PLEKHD1: variants seen among roughly 807,000 people sequenced by gnomAD.
PLEKHD1 encodes pleckstrin homology domain-containing family D member 1.
A neutral mutation model predicts 69.2 loss-of-function variants in PLEKHD1; 51 were observed. That is an observed-to-expected ratio of 0.74 (90% CI 0.59 to 0.93). The LOEUF (loss-of-function observed/expected upper bound fraction) is 0.93. PLEKHD1 is among the 40% of genes least tolerant of loss of function. PLEKHD1 has a pLI of 0.00. For missense variants in PLEKHD1, 584 were observed against 641.0 expected (o/e 0.91, Z 0.96); for synonymous variants, 236 against 244.7 (o/e 0.96, Z 0.33).
chr14:69,489,788 G>A (rs1046914269), intron 1 of PLEKHD1, among the ~76,000 whole-genome samples: 2 of 152,066 alleles, frequency 1.3e-5, no homozygotes, highest in Non-Finnish European at 2.9e-5. Flanking sequence ...CAAGGGAATG[G>A]GGAACAGGGG....
At chr14:69,500,849 G>A (rs1417926917) in intron 3 of PLEKHD1, 22 bp from the exon 4 acceptor site, 23 of 1,551,198 alleles carry the variant, frequency 1.5e-5, no homozygotes, top group Middle Eastern at 1.7e-4. Context: ...TCAGGCATGC[G>A]CATGGCTCCT....
chr14:69,500,011 T>TG, intron 1 of PLEKHD1, 104 bp from the exon 2 acceptor site: 1 of 735,358 alleles, frequency 1.4e-6, no homozygotes, highest in South Asian at 1.8e-5. Context: ...GGTGTCCCTG[T>TG]GGGCTCCCAT....
chr14:69,522,211 T>G, intron 6 of PLEKHD1, 72 bp from the exon 7 acceptor site: 3 of 1,387,148 alleles, frequency 2.2e-6, no homozygotes, highest in Non-Finnish European at 3.0e-6. Context: ...TCCCTTGGGA[T>G]AGAGTGGGGG....
intron 6 of PLEKHD1, among the ~76,000 whole-genome samples, chr14:69,506,966 G>A (rs370063829): frequency 2.1e-5 from 3 of 143,268 alleles, no homozygotes; most frequent in Non-Finnish European, 4.5e-5. Context: ...GCAGTGGCGC[G>A]ATCTCGGCTC....
At chr14:69,501,940 G>A in intron 5 of PLEKHD1, 115 bp downstream of exon 5, 1 of 944,620 alleles carries the variant, frequency 1.1e-6, no homozygotes, top group Non-Finnish European at 1.6e-6. Context: ...GGGCTATGAG[G>A]GAACAGAGAC....
chr14:69,476,923 G>A, the PLEKHD1 span, among the ~76,000 whole-genome samples: 2 of 152,212 alleles, frequency 1.3e-5, no homozygotes, highest in East Asian at 1.9e-4. Context: ...CAATCATGGC[G>A]GAAGGTGAAA....
At chr14:69,476,523 C>A in the PLEKHD1 span, among the ~76,000 whole-genome samples, 1 of 152,022 alleles carries the variant, frequency 6.6e-6, no homozygotes, top group African/African-American at 2.4e-5. Context: ...ATGATGGCAT[C>A]ACTGCACTCT....
chr14:69,512,962 T>C (rs1883302689), intron 6 of PLEKHD1, among the ~76,000 whole-genome samples: 2 of 151,638 alleles, frequency 1.3e-5, no homozygotes, highest in African/African-American at 4.8e-5. Context: ...TAGTGGCATA[T>C]GCCTGTAGTC....
At chr14:69,478,995 T>C in the PLEKHD1 span, among the ~76,000 whole-genome samples, 1 of 152,178 alleles carries the variant, frequency 6.6e-6, no homozygotes, top group Non-Finnish European at 1.5e-5. Context: ...TTTACGTCGC[T>C]GATAAAGACA....
chr14:69,528,491 C>A lies in PLEKHD1; in HGVS notation c.*72C>A, dbSNP rs1883716376. The A allele has an allele frequency of 1.3e-6, 2 of 1,488,720 alleles. No homozygotes were observed. Among genetic ancestry groups the A allele is most frequent in the South Asian group, 1.3e-5 (1 of 76,796 alleles). 92.2% of individuals were successfully genotyped at this position (1,488,720 alleles called of 1,614,324 possible). A position where few individuals can be genotyped will look rare whatever the true frequency, so the allele number is the denominator to read the frequency against. On this transcript the variant is annotated 3_prime_UTR_variant, in exon 13 of 13. Coordinates refer to ENST00000322564, the MANE Select transcript of PLEKHD1 (RefSeq NM_001161498.2). ...GAGGGGAAGGGGTGGCAGAGGGAGGCCTCACTCTACCAGCTCCTGGCCTCT... is the reference window on the plus strand; with the variant it reads ...GAGGGGAAGGGGTGGCAGAGGGAGGACTCACTCTACCAGCTCCTGGCCTCT...
intron 7 of PLEKHD1, among the ~76,000 whole-genome samples, chr14:69,523,347 T>TATCATC (rs1883564778): frequency 6.6e-6 from 1 of 152,178 alleles, no homozygotes; most frequent in Non-Finnish European, 1.5e-5. Flanking sequence ...TCCTCATCAT[T>TATCATC]ATCATCACCA....
chr14:69,524,622 G>A (rs61982440), intron 8 of PLEKHD1, among the ~76,000 whole-genome samples: 17,594 of 152,160 alleles, frequency 0.12, 1,165 homozygotes, highest in Non-Finnish European at 0.14. Context: ...CCAGATAGAG[G>A]ATTGGTTAAG....
chr14:69,481,535 G>T (rs1186163153), upstream of PLEKHD1, among the ~76,000 whole-genome samples: 1 of 152,196 alleles, frequency 6.6e-6, no homozygotes, highest in African/African-American at 2.4e-5. Flanking sequence ...TGTGCTGCAA[G>T]GTGAAGGGGA....
chr14:69,493,058 C>T (rs1228555595), intron 1 of PLEKHD1, among the ~76,000 whole-genome samples: 1 of 152,234 alleles, frequency 6.6e-6, no homozygotes, highest in Non-Finnish European at 1.5e-5. Flanking sequence ...TGAGCCACCA[C>T]ACCCGGCCAA....
chr14:69,528,513 C>A lies in PLEKHD1; in HGVS notation c.*94C>A, dbSNP rs1196517281. ...AGGCCTCACTCTACCAGCTCCTGGC[C>A]TCTCTGGTCTGGAGCCTATGTCTCC... is the stretch of plus-strand genomic sequence containing the variant. On this transcript the variant is annotated 3_prime_UTR_variant, in exon 13 of 13. Transcript: ENST00000322564. 7.0e-6 allele frequency: 10 copies of A among 1,434,016 alleles called. No individual in the cohort carries two copies. In the Admixed American group the frequency reaches 1.8e-4, roughly 26 times the overall value. 88.8% of individuals were successfully genotyped at this position (1,434,016 alleles called of 1,614,324 possible).
chr14:69,502,678 T>C (rs1883056340), intron 5 of PLEKHD1, 149 bp from the exon 6 acceptor site: 5 of 893,662 alleles, frequency 5.6e-6, no homozygotes, highest in Non-Finnish European at 8.6e-6. Context: ...CACCAGGAGC[T>C]GGCCCACCCT....
At position 69,527,220 on chromosome 14, in the gene PLEKHD1, G is replaced by C. The variant is rs1439733606; in HGVS notation, c.1089G>C (p.Arg363Ser). Residue 363 changes from arginine to serine, a missense_variant, in exon 11 of 13, where the codon AGG (arginine) becomes AGC (serine). Physicochemically the swap from Arg to Ser is moderately radical, Grantham distance 110. Coordinates refer to ENST00000322564, the MANE Select transcript of PLEKHD1 (RefSeq NM_001161498.2). ...AEVKVRMDLE[R>S]RLREAEGALR... ...TGAAGGTCCGCATGGACCTGGAGAG[G>C]CGTCTCCGGGAGGCAGAAGGGGCCT... 3 of 1,551,554 alleles carry C rather than the reference G, an allele frequency of 1.9e-6. No individual in the cohort carries two copies. The highest frequency in any genetic ancestry group is 2.6e-6 in the Non-Finnish European group (3 of 1,146,914).
chr14:69,497,330 T>C (rs1882911041), intron 1 of PLEKHD1, among the ~76,000 whole-genome samples: 1 of 152,252 alleles, frequency 6.6e-6, no homozygotes, highest in Non-Finnish European at 1.5e-5. Context: ...AACTACTCTA[T>C]GAAATTCCCT....
At chr14:69,507,016 C>A (rs1415981272) in intron 6 of PLEKHD1, among the ~76,000 whole-genome samples, 2 of 151,028 alleles carry the variant, frequency 1.3e-5, no homozygotes, top group East Asian at 3.9e-4. Context: ...GATTCTCCTG[C>A]CTCTGCCTCC....
Sources: allele counts gnomAD v4.1 joint callset (sites outside exome capture counted in the v4.1 genomes callset), GRCh38; gene constraint gnomAD v4.1.1; transcripts MANE v1.5; gene names NCBI Gene and HGNC (gene_info 2026-07-23, HGNC 2026-07-21).